The following WDR33 variants were observed in gnomAD, a reference collection of about 807,000 sequenced individuals.
WDR33 encodes the protein WD repeat domain 33, also known as pre-mRNA 3' end processing protein WDR33.
Under a neutral mutation model 164.9 loss-of-function variants are expected in WDR33, and 47 were observed. The ratio of observed to expected loss-of-function variants is 0.29; its 90% CI spans 0.23 to 0.36. WDR33 has a LOEUF of 0.36. Among genes scored for constraint, WDR33 ranks in the 10% least tolerant of loss-of-function variants. The pLI is 1.00. For missense variants in WDR33, 1,137 were observed against 1,754.1 expected (o/e 0.65, Z 6.28); for synonymous variants, 505 against 589.0 (o/e 0.86, Z 2.06).
intron 7 of WDR33, among the ~76,000 whole-genome samples, chr2:127,747,553 T>C (rs1687201480): frequency 6.6e-6 from 1 of 152,222 alleles, no homozygotes; most frequent in African/African-American, 2.4e-5. Flanking sequence ...TCAATGATGA[T>C]ACATGATGAC....
intron 1 of WDR33, among the ~76,000 whole-genome samples, chr2:127,788,506 C>T (rs1407536332): frequency 4.1e-5 from 5 of 122,952 alleles, no homozygotes; most frequent in Non-Finnish European, 8.5e-5. Flanking sequence ...GACGGGGCGG[C>T]TGGCCGGGTG....
chr2:127,767,683 C>G (rs534664585), intron 4 of WDR33, among the ~76,000 whole-genome samples: 52 of 152,096 alleles, frequency 3.4e-4, no homozygotes, highest in Admixed American at 9.8e-4. Flanking sequence ...CCACTGCACT[C>G]CAGCCTGGGT....
chr2:127,737,280 G>C, intron 7 of WDR33: 1 of 985,332 alleles, frequency 1.0e-6, no homozygotes, highest in Non-Finnish European at 1.2e-6. Context: ...TGTCTGAGAC[G>C]GGAGATACCA....
intron 1 of WDR33, among the ~76,000 whole-genome samples, chr2:127,796,601 C>T (rs543395791): frequency 2.0e-5 from 3 of 150,976 alleles, no homozygotes; most frequent in African/African-American, 4.9e-5. Context: ...CATACACATA[C>T]TCTCTCTCTC....
chr2:127,765,969 G>A (rs1329067295), intron 4 of WDR33, among the ~76,000 whole-genome samples: 1 of 152,042 alleles, frequency 6.6e-6, no homozygotes, highest in African/African-American at 2.4e-5. Context: ...GAATGACTAT[G>A]CCAATAACTT....
intron 1 of WDR33, among the ~76,000 whole-genome samples, chr2:127,783,599 C>CTTTTTT (rs35345585): frequency 3.7e-4 from 31 of 84,402 alleles, no homozygotes; most frequent in Non-Finnish European, 4.8e-4. Flanking sequence ...TTCAGGACTC[C>CTTTTTT]TTTTTTTTTT....
chr2:127,714,583 C>T lies in WDR33; in HGVS notation c.2870-562G>A, dbSNP rs1052202965. Among the ~76,000 whole-genome samples the T allele has an allele frequency of 6.6e-6, 1 of 152,206 alleles. No homozygotes were observed. Among genetic ancestry groups the T allele is most frequent in the African/African-American group, 2.4e-5 (1 of 41,452 alleles). On this transcript the variant is annotated intron_variant, in intron 17 of 21. Coordinates refer to ENST00000322313, the MANE Select transcript of WDR33 (RefSeq NM_018383.5). The surrounding 1 kb of genome is among the most constrained non-coding windows in gnomAD (Gnocchi z 4.3). ...AATACCTGCCTGATGACCAAACAGCCCTGCTGGGCTTCAGTGTCGGGGTTT... is the reference window on the plus strand; with the variant it reads ...AATACCTGCCTGATGACCAAACAGCTCTGCTGGGCTTCAGTGTCGGGGTTT...
Position 127,763,591 on chromosome 2 carries a change from C to T in WDR33, c.627-432G>A, listed in dbSNP as rs766332404. 1.0e-6 allele frequency: 1 copy of T among 999,498 alleles called. No individual in the cohort carries two copies. Among genetic ancestry groups the T allele is most frequent in the Admixed American group, 5.6e-5 (1 of 17,882 alleles). 61.9% of individuals were successfully genotyped at this position (999,498 alleles called of 1,614,324 possible). On this transcript the variant is annotated intron_variant, in intron 6 of 21. Coordinates refer to ENST00000322313, the MANE Select transcript of WDR33 (RefSeq NM_018383.5). This position sits in a 1 kb window ranked among gnomAD's most constrained non-coding sequence, Gnocchi z 4.5. ...TGCCTCAGACACTTCATGAAATAAGCTGAAACAATGTGGGCTGTCTATTAA... is the reference window on the plus strand; with the variant it reads ...TGCCTCAGACACTTCATGAAATAAGTTGAAACAATGTGGGCTGTCTATTAA...
At chr2:127,805,366 G>C (rs1228417043) in intron 1 of WDR33, among the ~76,000 whole-genome samples, 2 of 151,928 alleles carry the variant, frequency 1.3e-5, no homozygotes, top group Non-Finnish European at 2.9e-5. Flanking sequence ...ACAGACATGA[G>C]CCAGCGCACC....
In WDR33 at chr2:127,738,071, G is replaced by A. The variant is rs6754215; in HGVS notation, c.725-11294C>T. ...AACATGTATCTATCAAAACAAGAAG[G>A]GTGCATGAACTCTTAAATACTGTGC... On this transcript the variant is annotated intron_variant, in intron 7 of 21. Coordinates refer to ENST00000322313, the MANE Select transcript of WDR33 (RefSeq NM_018383.5). The surrounding 1 kb of genome is among the most constrained non-coding windows in gnomAD (Gnocchi z 4.4). The A allele has an allele frequency of 0.41, 664,738 of 1,609,174 alleles. 142,791 individuals carry two copies. The highest frequency in any genetic ancestry group is 0.65 in the African/African-American group (48,492 of 74,684).
intron 7 of WDR33, among the ~76,000 whole-genome samples, chr2:127,761,764 A>G (rs565947177): frequency 1.8e-4 from 28 of 152,276 alleles, no homozygotes; most frequent in African/African-American, 6.5e-4. Context: ...TGATCATCTC[A>G]AAGTCTCTGT....
intron 1 of WDR33, among the ~76,000 whole-genome samples, chr2:127,798,046 C>T (rs1485404069): frequency 1.3e-5 from 2 of 152,006 alleles, no homozygotes; most frequent in Non-Finnish European, 2.9e-5. Flanking sequence ...AGGAAATTTC[C>T]AAAATTCCTT....
Position 127,701,959 on chromosome 2 carries a change from GGCCC to G in WDR33, c.*4360_*4363del. On this transcript the variant is annotated 3_prime_UTR_variant, in exon 22 of 22. Coordinates refer to ENST00000322313, the MANE Select transcript of WDR33 (RefSeq NM_018383.5). ...CTGCGCTGCGAAGAAGCGCCGTCCC[GGCCC>G]GCGCTGCTCTACATGGCAGCGCTGG... 1 of 1,397,460 alleles carries G rather than the reference GGCCC, an allele frequency of 7.2e-7. No homozygotes were observed. Among genetic ancestry groups the G allele is most frequent in the Non-Finnish European group, 9.2e-7 (1 of 1,082,576 alleles). The allele number at this position is 1,397,460 out of a possible 1,614,324, so 86.6% of individuals were successfully genotyped here. A position where few individuals can be genotyped will look rare whatever the true frequency, so the allele number is the denominator to read the frequency against.
intron 18 of WDR33, among the ~76,000 whole-genome samples, chr2:127,711,782 T>TATATATATATATATATATATATATA (rs1558919467): frequency 5.9e-5 from 5 of 84,430 alleles, no homozygotes; most frequent in South Asian, 4.2e-4. Flanking sequence ...ATATATATAT[T>TATATATATATATATATATATATATA]TTTTTTTTGA....
chr2:127,769,079 G>A, intron 2 of WDR33, 78 bp from the exon 3 acceptor site: 3 of 846,004 alleles, frequency 3.5e-6, no homozygotes, highest in Non-Finnish European at 4.7e-6. Flanking sequence ...TACTCAATTT[G>A]AAATTAACAA....
chr2:127,785,080 T>C (rs1239851417), intron 1 of WDR33, among the ~76,000 whole-genome samples: 5 of 152,172 alleles, frequency 3.3e-5, no homozygotes, highest in African/African-American at 7.2e-5. Flanking sequence ...GTTGCCTCCA[T>C]TCATTTTCAA....
At chr2:127,792,813 C>T (rs1006930932) in intron 1 of WDR33, among the ~76,000 whole-genome samples, 4 of 152,078 alleles carry the variant, frequency 2.6e-5, no homozygotes, top group Non-Finnish European at 4.4e-5. Flanking sequence ...TTTCACTTGA[C>T]GACTCTGTTA....
chr2:127,753,177 T>C (rs1687422059), intron 7 of WDR33, among the ~76,000 whole-genome samples: 1 of 152,226 alleles, frequency 6.6e-6, no homozygotes, highest in African/African-American at 2.4e-5. Context: ...TCCACCTGCC[T>C]TGGCCTCCCA....
chr2:127,735,132 G>T lies in WDR33; in HGVS notation c.725-8355C>A, dbSNP rs1686808482. ...TCCCAGAACCGTAAAGTGTAGTGCA[G>T]TGAAGGCTAGAACCAGTAAGGGCAG... On this transcript the variant is annotated intron_variant, in intron 7 of 21. Transcript: ENST00000322313. The surrounding 1 kb of genome is among the most constrained non-coding windows in gnomAD (Gnocchi z 4.3). 6.6e-6 allele frequency among the ~76,000 whole-genome samples: 1 copy of T among 152,226 alleles called. No individual in the cohort carries two copies. Among genetic ancestry groups the T allele is most frequent in the South Asian group, 2.1e-4 (1 of 4,832 alleles).
Sources: allele counts gnomAD v4.1 joint callset (sites outside exome capture counted in the v4.1 genomes callset), GRCh38; gene constraint gnomAD v4.1.1; non-coding constraint Gnocchi (gnomAD v3.1); transcripts MANE v1.5; gene names NCBI Gene and HGNC (gene_info 2026-07-23, HGNC 2026-07-21).